ALOX5AP: variants seen among roughly 807,000 people sequenced by gnomAD.
ALOX5AP encodes the protein arachidonate 5-lipoxygenase activating protein, also known as arachidonate 5-lipoxygenase-activating protein.
A neutral mutation model predicts 18.5 loss-of-function variants in ALOX5AP; 9 were observed. That is an observed-to-expected ratio of 0.49 (90% confidence interval 0.29 to 0.85). The LOEUF (loss-of-function observed/expected upper bound fraction) is 0.85. ALOX5AP is among the 40% of genes least tolerant of loss of function. ALOX5AP has a pLI of 0.08. For synonymous variants in ALOX5AP, 81 were observed against 78.6 expected, an observed-to-expected ratio of 1.03 and a Z score of -0.16; for missense variants, 172 against 202.5, an observed-to-expected ratio of 0.85 and a Z score of 0.91.
At chr13:30,719,516 G>C (rs908642647) in intron 1 of ALOX5AP, among the ~76,000 whole-genome samples, 2 of 152,072 alleles carry the variant, frequency 1.3e-5, no homozygotes, top group Non-Finnish European at 2.9e-5. Context: ...TTACTTTCTT[G>C]CTTATTATCT....
At chr13:30,735,865 C>T (rs1049247777) in intron 1 of ALOX5AP, among the ~76,000 whole-genome samples, 190 bp downstream of exon 1, 2 of 152,156 alleles carry the variant, frequency 1.3e-5, no homozygotes, top group African/African-American at 2.4e-5. Flanking sequence ...GGGTTTTCCT[C>T]CTCTTAGTCT....
rs35907586 is a variant in ALOX5AP, at chr13:30,758,509, G to A, written c.323+2484G>A. Among the ~76,000 whole-genome samples, 70 of 152,314 alleles carry A rather than the reference G, an allele frequency of 4.6e-4. No homozygotes were observed. The East Asian group carries it at 0.013, about 28-fold the overall frequency. ...GCCCTGTCCGCTTAGGAAGTTCAGT[G>A]TCATCCTTGATCCAGTGGGTAGGGA... On this transcript the variant is annotated intron_variant, in intron 4 of 4. Transcript: ENST00000380490.
At chr13:30,719,902 A>T (rs4316608) in intron 1 of ALOX5AP, among the ~76,000 whole-genome samples, 1 of 151,006 alleles carries the variant, frequency 6.6e-6, no homozygotes, top group African/African-American at 2.4e-5. Flanking sequence ...TTGCTCTGTC[A>T]CTAGGCTGGA....
intron 2 of ALOX5AP, among the ~76,000 whole-genome samples, chr13:30,749,116 G>A (rs1248277908): frequency 6.6e-6 from 1 of 152,224 alleles, no homozygotes; most frequent in Non-Finnish European, 1.5e-5. Flanking sequence ...TTACAGCTGG[G>A]AGAATTTCAT....
intron 2 of ALOX5AP, among the ~76,000 whole-genome samples, chr13:30,745,041 G>A (rs1191280691): frequency 6.6e-6 from 1 of 152,206 alleles, no homozygotes; most frequent in African/African-American, 2.4e-5. Flanking sequence ...GCAAACTCAG[G>A]ACAAAGATTC....
intron 1 of ALOX5AP, among the ~76,000 whole-genome samples, chr13:30,720,391 G>A (rs561221466): frequency 1.2e-4 from 19 of 152,150 alleles, no homozygotes; most frequent in Non-Finnish European, 2.6e-4. Context: ...ACATATAAGG[G>A]TCTCTTGGGA....
chr13:30,721,892 T>A (rs186106981), intron 1 of ALOX5AP, among the ~76,000 whole-genome samples: 1 of 152,352 alleles, frequency 6.6e-6, no homozygotes, highest in South Asian at 2.1e-4. Flanking sequence ...TTGAACATAC[T>A]GTTTCTTCTT....
intron 1 of ALOX5AP, among the ~76,000 whole-genome samples, chr13:30,741,092 T>A (rs1951759064): frequency 1.5e-5 from 2 of 135,320 alleles, no homozygotes; most frequent in African/African-American, 2.7e-5. Context: ...CCTACACACA[T>A]CCTCCATATC....
intron 3 of ALOX5AP, among the ~76,000 whole-genome samples, chr13:30,754,954 C>T (rs1176526976): frequency 1.3e-5 from 2 of 152,236 alleles, no homozygotes; most frequent in Non-Finnish European, 2.9e-5. Flanking sequence ...AGTATTCCCT[C>T]AATGGCGGAA....
chr13:30,758,338 G>C (rs1165773512), intron 4 of ALOX5AP, among the ~76,000 whole-genome samples: 1 of 152,142 alleles, frequency 6.6e-6, no homozygotes, highest in African/African-American at 2.4e-5. Flanking sequence ...TGTCACACTT[G>C]GACTCTGCAG....
intron 1 of ALOX5AP, among the ~76,000 whole-genome samples, chr13:30,722,694 T>G (rs956204309): frequency 7.9e-5 from 12 of 152,248 alleles, no homozygotes; most frequent in Admixed American, 1.3e-4. Flanking sequence ...ATTTTATCCC[T>G]AATATTGGAG....
At chr13:30,727,890 T>A (rs970297496) in intron 1 of ALOX5AP, among the ~76,000 whole-genome samples, 1 of 152,180 alleles carries the variant, frequency 6.6e-6, no homozygotes, top group Middle Eastern at 3.4e-3. Context: ...TTTCTTTCCC[T>A]CCTGACAGTC....
intron 3 of ALOX5AP, 107 bp downstream of exon 3, chr13:30,752,229 A>G: frequency 8.6e-7 from 1 of 1,162,698 alleles, no homozygotes; most frequent in East Asian, 2.4e-5. Context: ...TCTGGCTCCC[A>G]TCTGTGAAGC....
At chr13:30,724,676 A>G (rs66535641) in intron 1 of ALOX5AP, among the ~76,000 whole-genome samples, 23,200 of 152,244 alleles carry the variant, frequency 0.15, 1,828 homozygotes, top group South Asian at 0.21. Context: ...AGCTACTATC[A>G]ATAATAAACA....
At chr13:30,722,951 G>T (rs750883476) in intron 1 of ALOX5AP, among the ~76,000 whole-genome samples, 20 of 152,250 alleles carry the variant, frequency 1.3e-4, no homozygotes, top group Admixed American at 3.3e-4. Flanking sequence ...AGCAGATGTT[G>T]GTTCCATGCT....
intron 2 of ALOX5AP, among the ~76,000 whole-genome samples, chr13:30,748,603 G>T (rs1213760481): frequency 2.0e-5 from 3 of 152,138 alleles, no homozygotes; most frequent in Non-Finnish European, 2.9e-5. Flanking sequence ...TTTCTCAAAA[G>T]AAAATCCAGA....
chr13:30,718,920 C>T (rs1220670952), intron 1 of ALOX5AP, among the ~76,000 whole-genome samples: 1 of 152,250 alleles, frequency 6.6e-6, no homozygotes, highest in Admixed American at 6.5e-5. Flanking sequence ...AAACTACTGC[C>T]TTCATCTTGA....
intron 1 of ALOX5AP, among the ~76,000 whole-genome samples, chr13:30,737,379 T>C (rs572035254): frequency 1.3e-5 from 2 of 152,346 alleles, no homozygotes; most frequent in South Asian, 2.1e-4. Context: ...GCCATCATGG[T>C]CTAGCAAACC....
intron 2 of ALOX5AP, among the ~76,000 whole-genome samples, chr13:30,750,699 T>C (rs1022385058): frequency 6.6e-6 from 1 of 152,196 alleles, no homozygotes; most frequent in Non-Finnish European, 1.5e-5. Flanking sequence ...TGTGAATATG[T>C]TATGTTACAT....
Sources: allele counts gnomAD v4.1 joint callset (sites outside exome capture counted in the v4.1 genomes callset), GRCh38; gene constraint gnomAD v4.1.1; transcripts MANE v1.5; gene names NCBI Gene and HGNC (gene_info 2026-07-23, HGNC 2026-07-21).